Variants in ADGRL4 observed in about 807,000 individuals in gnomAD.
The protein encoded by ADGRL4 is adhesion G protein-coupled receptor L4, also known as EGF, latrophilin and seven transmembrane domain containing 1.
In ADGRL4, 90 loss-of-function variants were observed where a neutral mutation model predicts 74.8. That is an observed-to-expected ratio of 1.20 (90% CI 1.02 to 1.43). The LOEUF is 1.43. Among genes scored for constraint, ADGRL4 ranks in the 40% most tolerant of loss-of-function variants. The pLI is 0.00. For synonymous variants in ADGRL4, 311 were observed against 279.2 expected, an observed-to-expected ratio of 1.11 and a Z score of -1.14; for missense variants, 881 against 814.3, an observed-to-expected ratio of 1.08 and a Z score of -1.00.
At chr1:78,895,792 G>C (rs962757706) in intron 12 of ADGRL4, among the ~76,000 whole-genome samples, 1 of 152,070 alleles carries the variant, frequency 6.6e-6, no homozygotes, top group African/African-American at 2.4e-5. Flanking sequence ...TTTATTTGAA[G>C]TGCAAAGGTT....
intron 3 of ADGRL4, among the ~76,000 whole-genome samples, chr1:78,944,852 T>C (rs1380400207): frequency 6.6e-6 from 1 of 152,104 alleles, no homozygotes; most frequent in African/African-American, 2.4e-5. Flanking sequence ...GACTGGATGA[T>C]TTCTTTAACA....
chr1:78,947,197 T>C (rs918064895), intron 2 of ADGRL4, among the ~76,000 whole-genome samples: 8 of 152,272 alleles, frequency 5.3e-5, no homozygotes, highest in African/African-American at 1.9e-4. Flanking sequence ...TTAAAAAACA[T>C]AGTTCAAGTC....
In ADGRL4 at chr1:78,921,764, A is replaced by T; in HGVS notation, c.1106T>A (p.Leu369Gln). The T allele has an allele frequency of 6.3e-7, 1 of 1,591,438 alleles. No individual in the cohort carries two copies. The highest frequency in any genetic ancestry group is 8.5e-7 in the Non-Finnish European group (1 of 1,169,960). ...AGGTGAGTAATTCCAAAATGCACAT[A>T]GACTCCTATACCTATCTGTGACCTG... ...HRKVTDRYRS[L>Q]CAFWNYSPDT... The change falls in exon 9 of 15, where the codon CTA (leucine) becomes CAA (glutamine). Residue 369 changes from leucine (L) to glutamine (Q), a missense_variant. Coordinates refer to ENST00000370742, the MANE Select transcript of ADGRL4 (RefSeq NM_022159.4).
At chr1:78,914,696 T>C (rs539120822) in intron 12 of ADGRL4, among the ~76,000 whole-genome samples, 38 of 151,950 alleles carry the variant, frequency 2.5e-4, no homozygotes, top group African/African-American at 9.2e-4. Context: ...TTTTAGTAAT[T>C]TTAGATTTTT....
At chr1:78,902,192 G>A (rs1255475360) in intron 12 of ADGRL4, among the ~76,000 whole-genome samples, 3 of 152,094 alleles carry the variant, frequency 2.0e-5, no homozygotes, top group Admixed American at 6.6e-5. Context: ...CTGAGATAAT[G>A]TGGCATTCTG....
chr1:78,893,497 A>G (rs1648331967), intron 12 of ADGRL4, among the ~76,000 whole-genome samples: 1 of 151,874 alleles, frequency 6.6e-6, no homozygotes. Context: ...AAGAAAGCAA[A>G]TTTTTGTTCA....
In ADGRL4 at chr1:79,006,663, G is replaced by T. The variant is rs367564733; in HGVS notation, c.-9C>A. On this transcript the variant is annotated 5_prime_UTR_variant, in exon 1 of 15. Coordinates refer to ENST00000370742, the MANE Select transcript of ADGRL4 (RefSeq NM_022159.4). ...AGCGGGAGGCGTTTCATTGGCGGTG[G>T]CCGCAGTGGTGGCGGTGGCGGAGAG... The T allele has an allele frequency of 3.9e-5, 59 of 1,499,042 alleles. No individual in the cohort carries two copies. The highest frequency in any genetic ancestry group is 5.1e-5 in the South Asian group (4 of 77,804). The allele number at this position is 1,499,042 out of a possible 1,614,324, so 92.9% of individuals were successfully genotyped here. A position where few individuals can be genotyped will look rare whatever the true frequency, so the allele number is the denominator to read the frequency against.
At chr1:78,955,605 G>A (rs1357220701) in intron 2 of ADGRL4, among the ~76,000 whole-genome samples, 1 of 151,778 alleles carries the variant, frequency 6.6e-6, no homozygotes, top group Non-Finnish European at 1.5e-5. Context: ...TTACTTCAGT[G>A]TAAAATGTGA....
At chr1:78,971,065 T>G (rs1277101521) in intron 2 of ADGRL4, among the ~76,000 whole-genome samples, 1 of 152,172 alleles carries the variant, frequency 6.6e-6, no homozygotes, top group Non-Finnish European at 1.5e-5. Flanking sequence ...TGTCTCTTCT[T>G]GCCTTCAGGG....
At chr1:78,939,087 G>A (rs758896833) in intron 4 of ADGRL4, 101 bp downstream of exon 4, 13 of 1,357,200 alleles carry the variant, frequency 9.6e-6, no homozygotes, top group Non-Finnish European at 1.3e-5. Context: ...TCTCCCTAAA[G>A]TTTGACTACT....
chr1:78,917,056 G>T (rs1039255737), intron 12 of ADGRL4, among the ~76,000 whole-genome samples: 1 of 151,924 alleles, frequency 6.6e-6, no homozygotes, highest in East Asian at 1.9e-4. Flanking sequence ...TGACTTGTCT[G>T]TTCATGAGAA....
intron 2 of ADGRL4, among the ~76,000 whole-genome samples, chr1:78,958,032 A>T (rs1278108852): frequency 6.6e-6 from 1 of 152,198 alleles, no homozygotes; most frequent in African/African-American, 2.4e-5. Flanking sequence ...CAATCCTTTT[A>T]TGACAGCACA....
intron 10 of ADGRL4, among the ~76,000 whole-genome samples, chr1:78,918,778 T>C (rs1049456753): frequency 2.6e-5 from 4 of 151,910 alleles, no homozygotes; most frequent in African/African-American, 9.6e-5. Context: ...AAACAGAATA[T>C]AATTCAAGAT....
chr1:78,947,828 T>C (rs755384262), intron 2 of ADGRL4, among the ~76,000 whole-genome samples: 6 of 152,138 alleles, frequency 3.9e-5, no homozygotes, highest in Non-Finnish European at 7.4e-5. Context: ...GTTTGAAAAA[T>C]GTCTTGAATC....
intron 8 of ADGRL4, among the ~76,000 whole-genome samples, chr1:78,923,918 C>A (rs887386214): frequency 9.2e-5 from 14 of 151,754 alleles, no homozygotes; most frequent in African/African-American, 3.4e-4. Context: ...ACCAAGAAAT[C>A]ATTGTAGAAA....
chr1:78,937,373 A>G (rs1649377199), intron 6 of ADGRL4, among the ~76,000 whole-genome samples: 1 of 152,208 alleles, frequency 6.6e-6, no homozygotes, highest in Admixed American at 6.5e-5. Context: ...TGAAACCAGA[A>G]GGTGGAGGTT....
At chr1:78,990,369 A>G (rs1387843062) in intron 2 of ADGRL4, among the ~76,000 whole-genome samples, 1 of 151,946 alleles carries the variant, frequency 6.6e-6, no homozygotes, top group Non-Finnish European at 1.5e-5. Flanking sequence ...TCCCCTGTTC[A>G]CAATTTAGGA....
intron 2 of ADGRL4, among the ~76,000 whole-genome samples, chr1:78,977,612 GA>G (rs1289787105): frequency 6.6e-6 from 1 of 151,870 alleles, no homozygotes; most frequent in Non-Finnish European, 1.5e-5. Flanking sequence ...CTGTTGCAAG[GA>G]GAGAAAAAGA....
intron 2 of ADGRL4, among the ~76,000 whole-genome samples, chr1:78,980,908 A>G (rs150692104): frequency 6.1e-4 from 93 of 152,080 alleles, no homozygotes; most frequent in African/African-American, 2.1e-3. Context: ...TAGAGTGTAA[A>G]CCTGTCTGCT....
Sources: gnomAD v4.1 joint callset for allele counts (sites outside exome capture counted in the v4.1 genomes callset) on GRCh38, gnomAD v4.1.1 for gene constraint, MANE v1.5 for transcripts, NCBI Gene and HGNC (gene_info 2026-07-23, HGNC 2026-07-21) for gene names.